Variants in DYNC1H1 observed in about 807,000 individuals in gnomAD.
The protein encoded by DYNC1H1 is dynein cytoplasmic 1 heavy chain 1.
In DYNC1H1, 51 loss-of-function variants were observed where a neutral mutation model predicts 527.1. The ratio of observed to expected loss-of-function variants is 0.10; its 90% CI spans 0.08 to 0.12. DYNC1H1 has a LOEUF of 0.12. Ranked by LOEUF, DYNC1H1 falls within the 10% of genes least tolerant of loss-of-function variation. The probability of loss-of-function intolerance (pLI) is 1.00; values close to 1 mark genes in which losing one functional copy is unlikely to be tolerated. For missense variants in DYNC1H1, 2,771 were observed against 5,971.8 expected, an observed-to-expected ratio of 0.46 and a Z score of 17.66; for synonymous variants, 2,189 against 2,278.8, an observed-to-expected ratio of 0.96 and a Z score of 1.12.
chr14:102,032,642 A>C, intron 52 of DYNC1H1, 175 bp downstream of exon 52: 1 of 827,430 alleles, frequency 1.2e-6, no homozygotes, highest in African/African-American at 1.7e-5. Flanking sequence ...GCTTGAGCCT[A>C]GGAGTTAGAG....
intron 2 of DYNC1H1, among the ~76,000 whole-genome samples, chr14:101,978,094 G>A (rs17511956): frequency 1.8e-4 from 28 of 152,036 alleles, no homozygotes; most frequent in African/African-American, 6.5e-4. Context: ...TCGCTCTGTC[G>A]CCCAGTCTGG....
intron 74 of DYNC1H1, 21 bp downstream of exon 74, chr14:102,048,690 G>A (rs367740135): frequency 1.1e-5 from 17 of 1,611,408 alleles, no homozygotes; most frequent in Admixed American, 1.0e-4. Flanking sequence ...GGCCGAACTC[G>A]TGGTGTGGCT....
Position 102,029,572 on chromosome 14 carries a change from A to G in DYNC1H1, c.9502A>G (p.Thr3168Ala), listed in dbSNP as rs764206230. The G allele has an allele frequency of 6.2e-7, 1 of 1,614,242 alleles. No homozygotes were observed. The highest frequency in any genetic ancestry group is 8.5e-7 in the Non-Finnish European group (1 of 1,180,040). ...TCGGCTAGCAAAGCGAGGCGGCAGA[A>G]CGATGGCCATCACCCCTCGCCACTA... is the stretch of plus-strand genomic sequence containing the variant. ...NARLAKRGGR[T>A]MAITPRHYLD... The change falls in exon 49 of 78, where the codon ACG becomes GCG. Residue 3168 changes from threonine to alanine, a missense_variant. Thr to Ala is a moderately conservative substitution (Grantham distance 58). Around this residue, in one of 32 missense-constraint regions of DYNC1H1, gnomAD observed 67 missense variants for 128.2 expected, o/e 0.52. Transcript: ENST00000360184. This position sits in a 1 kb window ranked among gnomAD's most constrained non-coding sequence, Gnocchi z 5.3.
intron 9 of DYNC1H1, 76 bp from the exon 10 acceptor site, chr14:101,988,627 A>G: frequency 1.3e-6 from 2 of 1,594,848 alleles, no homozygotes; most frequent in Non-Finnish European, 1.7e-6. Flanking sequence ...TGAAACACCT[A>G]CCACTTTCTG....
At position 102,010,730 on chromosome 14, in the gene DYNC1H1, C is replaced by G; in HGVS notation, c.6406-10C>G. On this transcript the variant is annotated splice_polypyrimidine_tract_variant and intron_variant, in intron 31 of 77. Transcript: ENST00000360184. This position sits in a 1 kb window ranked among gnomAD's most constrained non-coding sequence, Gnocchi z 6.0. ...GCTGCGCTGCTCACAGCCCAGCCCT[C>G]TCCCCGTAGATTCTGATACAGAGCG... is the stretch of plus-strand genomic sequence containing the variant. 3.7e-6 allele frequency: 6 copies of G among 1,612,278 alleles called. No individual in the cohort carries two copies. The highest frequency in any genetic ancestry group is 5.1e-6 in the Non-Finnish European group (6 of 1,179,888).
rs1230182296 is a variant in DYNC1H1 at position 102,016,924 on chromosome 14, G to T, written c.7773G>T (p.Leu2591=). The T allele has an allele frequency of 6.2e-7, 1 of 1,614,226 alleles. No homozygotes were observed. The highest frequency in any genetic ancestry group is 1.1e-5 in the South Asian group (1 of 91,088). The change falls in exon 38 of 78, where the codon CTG becomes CTT. Residue 2591 remains leucine (L), a synonymous_variant. Coordinates refer to ENST00000360184, the MANE Select transcript of DYNC1H1 (RefSeq NM_001376.5). This position sits in a 1 kb window ranked among gnomAD's most constrained non-coding sequence, Gnocchi z 7.3. ...CTTGGCTGGCCGAACACAAGCCCCTGGTCTTGTGTGGCCCTCCTGGGTCTG... is the reference window on the plus strand; with the variant it reads ...CTTGGCTGGCCGAACACAAGCCCCTTGTCTTGTGTGGCCCTCCTGGGTCTG... ...LYTWLAEHKP[L]VLCGPPGSGK...
chr14:102,045,805 A>G (rs1411749037), intron 72 of DYNC1H1, among the ~76,000 whole-genome samples: 2 of 152,046 alleles, frequency 1.3e-5, no homozygotes, highest in African/African-American at 4.8e-5. Context: ...AAATTCTCTA[A>G]GCCAGTGGCT....
intron 11 of DYNC1H1, among the ~76,000 whole-genome samples, chr14:101,992,973 C>CA (rs2048015471): frequency 6.6e-6 from 1 of 152,006 alleles, no homozygotes; most frequent in Admixed American, 6.6e-5. Flanking sequence ...CTTTAAATGC[C>CA]ACCTGCAGGC....
chr14:102,005,866 TAA>T lies in DYNC1H1; in HGVS notation c.5434-20_5434-19del. The T allele has an allele frequency of 6.2e-7, 1 of 1,613,830 alleles. No individual in the cohort carries two copies. Among genetic ancestry groups the T allele is most frequent in the South Asian group, 1.1e-5 (1 of 91,046 alleles). On this transcript the variant is annotated intron_variant, in intron 26 of 77. Transcript: ENST00000360184. The surrounding 1 kb of genome is among the most constrained non-coding windows in gnomAD (Gnocchi z 4.0). ...TATTGCTTTAGTGTAGATGAACTTTTAAAGTGACTCTCTTTCTTCAGATTACA... is the reference window on the plus strand; with the variant it reads ...TATTGCTTTAGTGTAGATGAACTTTTAGTGACTCTCTTTCTTCAGATTACA...
chr14:102,050,228 C>T (rs751431702), intron 77 of DYNC1H1, 30 bp downstream of exon 77: 1 of 1,613,930 alleles, frequency 6.2e-7, no homozygotes, highest in Non-Finnish European at 8.5e-7. Flanking sequence ...CCCAGGCATT[C>T]TGCAGGGACC....
Position 102,004,878 on chromosome 14 carries a change from G to A in DYNC1H1, c.5166G>A (p.Thr1722=), listed in dbSNP as rs369232191. The part of the protein sequence containing the change: ...TLAKLLAESV[T]EVEIFGKATS... Reference sequence around the variant, plus strand: ...CCAAACTGCTTGCTGAGTCTGTTACGGAAGTTGAGATTTTTGGTAAAGCAA... The same window carrying A: ...CCAAACTGCTTGCTGAGTCTGTTACAGAAGTTGAGATTTTTGGTAAAGCAA... The change falls in exon 25 of 78, where the codon ACG becomes ACA. Residue 1722 remains threonine (T), a synonymous_variant. Coordinates refer to ENST00000360184, the MANE Select transcript of DYNC1H1 (RefSeq NM_001376.5). The A allele has an allele frequency of 1.1e-5, 17 of 1,614,096 alleles. No homozygotes were observed. The highest frequency in any genetic ancestry group is 2.2e-5 in the East Asian group (1 of 44,902).
Position 102,041,791 on chromosome 14 carries a change from C to T in DYNC1H1, c.12102+57C>T, listed in dbSNP as rs1259026766. The T allele has an allele frequency of 7.4e-6, 12 of 1,611,568 alleles. No homozygotes were observed. Among genetic ancestry groups the T allele is most frequent in the African/African-American group, 1.3e-5 (1 of 74,932 alleles). On this transcript the variant is annotated intron_variant, in intron 65 of 77. Transcript: ENST00000360184. This position sits in a 1 kb window ranked among gnomAD's most constrained non-coding sequence, Gnocchi z 4.5. ...GAGACTCCATGCCCACCTCCCCAGC[C>T]ACAGGTGGCAGCAGCCCTGGCATCT...
Position 102,010,142 on chromosome 14 carries a change from A to G in DYNC1H1, c.6221+56A>G, listed in dbSNP as rs1236425653. 1 of 1,612,888 alleles carries G rather than the reference A, an allele frequency of 6.2e-7. No individual in the cohort carries two copies. ...TTTCTTGCATATGTTAAATGTGTCC[A>G]TTTAACCTTAAAATTTTTATATGTA... On this transcript the variant is annotated intron_variant, in intron 30 of 77. Transcript: ENST00000360184. This position sits in a 1 kb window ranked among gnomAD's most constrained non-coding sequence, Gnocchi z 6.0.
chr14:102,039,325 G>A lies in DYNC1H1; in HGVS notation c.11460+71G>A, dbSNP rs2048615787. On this transcript the variant is annotated intron_variant, in intron 60 of 77. Coordinates refer to ENST00000360184, the MANE Select transcript of DYNC1H1 (RefSeq NM_001376.5). The surrounding 1 kb of genome is among the most constrained non-coding windows in gnomAD (Gnocchi z 7.0). ...CTCCTTGGCCGCACAGAGGCTGGCG[G>A]GCCCTGCACAGTAGCTCCTTGGCCA... The A allele has an allele frequency of 6.2e-7, 1 of 1,612,134 alleles. No homozygotes were observed. Among genetic ancestry groups the A allele is most frequent in the Non-Finnish European group, 8.5e-7 (1 of 1,179,970 alleles).
intron 72 of DYNC1H1, among the ~76,000 whole-genome samples, chr14:102,046,457 G>A: frequency 6.7e-6 from 1 of 149,882 alleles, no homozygotes; most frequent in African/African-American, 2.5e-5. Flanking sequence ...GAAAGCCAAA[G>A]CCAGGCGAGC....
Position 102,011,756 on chromosome 14 carries a change from A to G in DYNC1H1, c.6619-119A>G. ...GACAGAGAGAGACTCCGTTTCAGGA[A>G]AAAAAAAAAAATCCACACATAATGT... On this transcript the variant is annotated intron_variant, in intron 32 of 77. Coordinates refer to ENST00000360184, the MANE Select transcript of DYNC1H1 (RefSeq NM_001376.5). This position sits in a 1 kb window ranked among gnomAD's most constrained non-coding sequence, Gnocchi z 5.3. 1.6e-5 allele frequency: 15 copies of G among 958,188 alleles called. No homozygotes were observed. The highest frequency in any genetic ancestry group is 2.3e-5 in the Admixed American group (1 of 42,710). 59.4% of individuals were successfully genotyped at this position (958,188 alleles called of 1,614,324 possible). A position where few individuals can be genotyped will look rare whatever the true frequency, so the allele number is the denominator to read the frequency against.
In DYNC1H1 at chr14:102,039,604, T is replaced by C; in HGVS notation, c.11596-34T>C. ...GGGGGAAGCAGGGTGCTGCTTCTCT[T>C]ATGGAACAACATCGTCTCCTGCTCT... is the stretch of plus-strand genomic sequence containing the variant. On this transcript the variant is annotated intron_variant, in intron 61 of 77. Coordinates refer to ENST00000360184, the MANE Select transcript of DYNC1H1 (RefSeq NM_001376.5). This position sits in a 1 kb window ranked among gnomAD's most constrained non-coding sequence, Gnocchi z 7.0. The C allele has an allele frequency of 6.2e-7, 1 of 1,614,120 alleles. No individual in the cohort carries two copies. Among genetic ancestry groups the C allele is most frequent in the Non-Finnish European group, 8.5e-7 (1 of 1,180,016 alleles).
At position 102,002,152 on chromosome 14, in the gene DYNC1H1, C is replaced by T. The variant is rs2048138933; in HGVS notation, c.4543-385C>T. ...TTGAGATGGAGTCTCGCTCTGTCAC[C>T]CAGGCTGGAGTGCAATGGCACGATC... is the stretch of plus-strand genomic sequence containing the variant. On this transcript the variant is annotated intron_variant, in intron 21 of 77. Coordinates refer to ENST00000360184, the MANE Select transcript of DYNC1H1 (RefSeq NM_001376.5). The surrounding 1 kb of genome is among the most constrained non-coding windows in gnomAD (Gnocchi z 4.4). Among the ~76,000 whole-genome samples the T allele has an allele frequency of 6.6e-6, 1 of 151,480 alleles. No individual in the cohort carries two copies. The highest frequency in any genetic ancestry group is 1.5e-5 in the Non-Finnish European group (1 of 67,904).
At chr14:101,975,386 T>G (rs2047789111) in intron 1 of DYNC1H1, among the ~76,000 whole-genome samples, 1 of 152,236 alleles carries the variant, frequency 6.6e-6, no homozygotes, top group Non-Finnish European at 1.5e-5. Flanking sequence ...GATGGGATGC[T>G]GAGAACTTGG....
Sources: gnomAD v4.1 joint callset for allele counts (sites outside exome capture counted in the v4.1 genomes callset) on GRCh38, gnomAD v4.1.1 for gene constraint, gnomAD v4.1.1 regional missense constraint, Gnocchi (gnomAD v3.1) non-coding constraint, MANE v1.5 for transcripts, NCBI Gene and HGNC (gene_info 2026-07-23, HGNC 2026-07-21) for gene names.